CELF4: variants seen among roughly 807,000 people sequenced by gnomAD.
CELF4 encodes the protein CUGBP Elav-like family member 4.
A neutral mutation model predicts 59.9 loss-of-function variants in CELF4; 18 were observed. That is an observed-to-expected ratio of 0.30 (90% CI 0.21 to 0.45). The LOEUF (loss-of-function observed/expected upper bound fraction) is 0.45. Among genes scored for constraint, CELF4 ranks in the 20% least tolerant of loss-of-function variants. The pLI is 1.00. For missense variants in CELF4, 456 were observed against 689.0 expected (o/e 0.66, Z 3.79); for synonymous variants, 261 against 267.1 (o/e 0.98, Z 0.22).
At chr18:37,544,366 C>T (rs2099979862) in intron 1 of CELF4, among the ~76,000 whole-genome samples, 2 of 152,146 alleles carry the variant, frequency 1.3e-5, no homozygotes, top group African/African-American at 4.8e-5. Context: ...GTCAGCGGAG[C>T]TGCGGGGCTG....
rs115564849 is a variant in CELF4, at chr18:37,451,513, G to A, written c.369+34012C>T. Among the ~76,000 whole-genome samples the A allele has an allele frequency of 7.4e-3, 1,126 of 152,218 alleles. 14 individuals carry two copies. Among genetic ancestry groups the A allele is most frequent in the African/African-American group, 0.025 (1,048 of 41,522 alleles). ...TGTGTGTCACTGCATGTTTGTGCAC[G>A]CATGTGTGCACATGCACATGTGTGT... On this transcript the variant is annotated intron_variant, in intron 2 of 12. Transcript: ENST00000420428.
At chr18:37,331,980 G>C (rs2097559834) in intron 2 of CELF4, among the ~76,000 whole-genome samples, 1 of 152,168 alleles carries the variant, frequency 6.6e-6, no homozygotes. Flanking sequence ...TTGCACACTA[G>C]GACTGCATTT....
chr18:37,508,394 T>C (rs1478142372), intron 1 of CELF4, among the ~76,000 whole-genome samples: 1 of 152,214 alleles, frequency 6.6e-6, no homozygotes, highest in African/African-American at 2.4e-5. Flanking sequence ...CCATTTGCTG[T>C]GCTAATTGCC....
chr18:37,527,274 G>C (rs191381419), intron 1 of CELF4, among the ~76,000 whole-genome samples: 1 of 151,804 alleles, frequency 6.6e-6, no homozygotes, highest in Non-Finnish European at 1.5e-5. Flanking sequence ...AGTGCTGGCC[G>C]TGAGTTTGGA....
rs904433679 is a variant in CELF4, at chr18:37,411,935, C to T, written c.369+73590G>A. Among the ~76,000 whole-genome samples, 7 of 152,202 alleles carry T rather than the reference C, an allele frequency of 4.6e-5. 1 individual carries two copies. In the South Asian group the frequency reaches 6.2e-4, roughly 14 times the overall value. On this transcript the variant is annotated intron_variant, in intron 2 of 12. Coordinates refer to ENST00000420428, the MANE Select transcript of CELF4 (RefSeq NM_020180.4). ...CAGGAGGGTAACTGTGCCCTCCAGC[C>T]GCCTGGCATACCAAAAGCAAGGTCA... is the stretch of plus-strand genomic sequence containing the variant.
At chr18:37,406,687 G>T (rs866365656) in intron 2 of CELF4, among the ~76,000 whole-genome samples, 1 of 152,168 alleles carries the variant, frequency 6.6e-6, no homozygotes, top group African/African-American at 2.4e-5. Context: ...GTGGGCCAGG[G>T]TTGAAGAAAA....
intron 3 of CELF4, among the ~76,000 whole-genome samples, chr18:37,318,368 C>T (rs773654410): frequency 1.3e-4 from 19 of 151,970 alleles, no homozygotes; most frequent in Non-Finnish European, 2.2e-4. Flanking sequence ...TGCCGTCATG[C>T]CACCTCCTCC....
At chr18:37,544,100 G>C (rs1043329341) in intron 1 of CELF4, among the ~76,000 whole-genome samples, 2 of 152,016 alleles carry the variant, frequency 1.3e-5, no homozygotes, top group Admixed American at 1.3e-4. Context: ...GCTGAGGTAA[G>C]GGCAAGGGCG....
intron 3 of CELF4, among the ~76,000 whole-genome samples, chr18:37,299,075 G>C (rs954384768): frequency 6.6e-6 from 1 of 152,204 alleles, no homozygotes; most frequent in Non-Finnish European, 1.5e-5. Flanking sequence ...GAAAGGCTAA[G>C]AGCAAGTAGG....
At chr18:37,256,375 G>A (rs751730684) in intron 11 of CELF4, among the ~76,000 whole-genome samples, 11 of 152,218 alleles carry the variant, frequency 7.2e-5, no homozygotes, top group Middle Eastern at 3.4e-3. Context: ...TTAACATAGG[G>A]CCACTTTTAT....
chr18:37,322,415 T>C (rs2097155158), intron 2 of CELF4, among the ~76,000 whole-genome samples: 1 of 152,170 alleles, frequency 6.6e-6, no homozygotes, highest in Non-Finnish European at 1.5e-5. Flanking sequence ...TCCAGCTCCA[T>C]GGTTAAAGCA....
At chr18:37,427,922 T>C (rs1603638580) in intron 2 of CELF4, among the ~76,000 whole-genome samples, 1 of 152,188 alleles carries the variant, frequency 6.6e-6, no homozygotes, top group South Asian at 2.1e-4. Context: ...CACAACTGGA[T>C]TTTACTAGGC....
rs549285586 is a variant in CELF4 at position 37,344,003 on chromosome 18, A to T, written c.370-22122T>A. Among the ~76,000 whole-genome samples, 152 of 152,280 alleles carry T rather than the reference A, an allele frequency of 1.0e-3. 1 individual carries two copies. Among genetic ancestry groups the T allele is most frequent in the Middle Eastern group, 6.8e-3 (2 of 294 alleles). ...ATTTTTCAGAGACTTCTGTCTAAGAAGCCCCTTCTCCAGGAAGCCCATTAG... is the reference window on the plus strand; with the variant it reads ...ATTTTTCAGAGACTTCTGTCTAAGATGCCCCTTCTCCAGGAAGCCCATTAG... On this transcript the variant is annotated intron_variant, in intron 2 of 12. Transcript: ENST00000420428.
intron 2 of CELF4, among the ~76,000 whole-genome samples, chr18:37,450,227 G>A (rs2099759345): frequency 6.6e-6 from 1 of 152,088 alleles, no homozygotes; most frequent in African/African-American, 2.4e-5. Flanking sequence ...ATGTATGTGT[G>A]TTATGTATGT....
intron 2 of CELF4, among the ~76,000 whole-genome samples, chr18:37,455,875 T>C (rs74463163): frequency 0.11 from 17,369 of 152,158 alleles, 1,157 homozygotes; most frequent in African/African-American, 0.18. Context: ...GGAGCCTCCA[T>C]CCTAGAATCT....
At chr18:37,399,626 T>G (rs2099298429) in intron 2 of CELF4, among the ~76,000 whole-genome samples, 1 of 152,258 alleles carries the variant, frequency 6.6e-6, no homozygotes, top group South Asian at 2.1e-4. Flanking sequence ...ACAAAGTGCC[T>G]GAGATACACC....
chr18:37,508,944 T>C lies in CELF4; in HGVS notation c.287-23337A>G, dbSNP rs528622598. Among the ~76,000 whole-genome samples, 39 of 152,306 alleles carry C rather than the reference T, an allele frequency of 2.6e-4. 1 individual carries two copies. In the South Asian group the frequency reaches 8.1e-3, roughly 32 times the overall value. ...GCTGTCACTAGTGTCACCTCTCTTC[T>C]GCCTCAACCTGTTCTTCTGCCTCCT... On this transcript the variant is annotated intron_variant, in intron 1 of 12. Transcript: ENST00000420428.
chr18:37,316,229 T>A (rs1368200635), intron 3 of CELF4, among the ~76,000 whole-genome samples: 2 of 152,124 alleles, frequency 1.3e-5, no homozygotes, highest in Non-Finnish European at 2.9e-5. Flanking sequence ...CCAGCTGCCA[T>A]GTTCAGGGCA....
At chr18:37,374,049 C>T (rs2098936140) in intron 2 of CELF4, among the ~76,000 whole-genome samples, 3 of 152,194 alleles carry the variant, frequency 2.0e-5, no homozygotes, top group Admixed American at 2.0e-4. Flanking sequence ...CTGGAGTGGG[C>T]ATTTTACCGA....
Sources: allele counts gnomAD v4.1 joint callset (sites outside exome capture counted in the v4.1 genomes callset), GRCh38; gene constraint gnomAD v4.1.1; transcripts MANE v1.5; gene names NCBI Gene and HGNC (gene_info 2026-07-23, HGNC 2026-07-21).